Variants in GPR75 observed in about 807,000 individuals in gnomAD.
GPR75 encodes the protein G protein-coupled receptor 75.
GPR75 carries 27 observed loss-of-function variants against 26.0 expected under a neutral mutation model. The ratio of observed to expected loss-of-function variants is 1.04; its 90% CI spans 0.77 to 1.43. GPR75 has a LOEUF of 1.43. GPR75 is among the 40% of genes most tolerant of loss of function. The pLI, the probability that GPR75 is intolerant of heterozygous loss-of-function variation, is 0.00. For missense variants in GPR75, 699 were observed against 662.3 expected, an observed-to-expected ratio of 1.06 and a Z score of -0.61; for synonymous variants, 285 against 256.3, an observed-to-expected ratio of 1.11 and a Z score of -1.07.
Position 53,853,697 on chromosome 2 carries a change from G to T in GPR75, c.1060C>A (p.Leu354Ile). The change falls in exon 2 of 2, where the codon CTT becomes ATT. Residue 354 changes from leucine (L) to isoleucine (I), a missense_variant. Transcript: ENST00000394705. ...VVLSSNGSFI[L>I]YQFELFGFTL... ...AATCCAAACAATTCAAACTGGTAAA[G>T]AATGAAGCTCCCATTGCTGGAGAGA... 6.2e-7 allele frequency: 1 copy of T among 1,613,498 alleles called. No homozygotes were observed. The highest frequency in any genetic ancestry group is 8.5e-7 in the Non-Finnish European group (1 of 1,179,426).
In GPR75 at chr2:53,853,460, A is replaced by G; in HGVS notation, c.1297T>C (p.Leu433=). ...SHHETNSAYM[L]SPKPQKKFVD... is the part of the protein sequence containing the mutation. ...AATTTCTTCTGTGGCTTTGGAGATA[A>G]CATGTAGGCAGAGTTTGTTTCATGA... The change falls in exon 2 of 2, where the codon TTA becomes CTA. Residue 433 remains leucine, a synonymous_variant. Coordinates refer to ENST00000394705, the MANE Select transcript of GPR75 (RefSeq NM_006794.4). 1 of 1,614,092 alleles carries G rather than the reference A, an allele frequency of 6.2e-7. No homozygotes were observed. Among genetic ancestry groups the G allele is most frequent in the South Asian group, 1.1e-5 (1 of 91,078 alleles).
chr2:53,855,632 G>C (rs570542815), intron 1 of GPR75, among the ~76,000 whole-genome samples: 1 of 152,162 alleles, frequency 6.6e-6, no homozygotes, highest in East Asian at 1.9e-4. Context: ...GGTATGGAGT[G>C]GGGACAGACA....
At chr2:53,859,791 TG>T in intron 1 of GPR75, 36 bp downstream of exon 1, 1 of 1,472,666 alleles carries the variant, frequency 6.8e-7, no homozygotes, top group Non-Finnish European at 9.1e-7. Context: ...TCCGGCATCG[TG>T]GGGTTGTCCT....
Position 53,854,811 on chromosome 2 carries a change from G to A in GPR75, c.-55C>T, listed in dbSNP as rs1264629540. 5.0e-6 allele frequency: 7 copies of A among 1,408,644 alleles called. No individual in the cohort carries two copies. Among genetic ancestry groups the A allele is most frequent in the Admixed American group, 1.8e-5 (1 of 54,716 alleles). The allele number at this position is 1,408,644 out of a possible 1,614,324, so 87.3% of individuals were successfully genotyped here. The stretch of plus-strand genomic sequence containing the variant: ...TCCCCAAAAATACTCAGTGAGTCAG[G>A]GCCTCAGCTCACAGATGAGCAATAT... On this transcript the variant is annotated 5_prime_UTR_variant, in exon 2 of 2. Transcript: ENST00000394705.
intron 1 of GPR75, among the ~76,000 whole-genome samples, chr2:53,858,141 G>C (rs948029127): frequency 6.6e-6 from 1 of 152,084 alleles, no homozygotes; most frequent in Non-Finnish European, 1.5e-5. Context: ...CTAAGCAGTT[G>C]CTCTTCCACA....
chr2:53,855,805 C>G (rs1182653067), intron 1 of GPR75, among the ~76,000 whole-genome samples: 1 of 152,138 alleles, frequency 6.6e-6, no homozygotes, highest in South Asian at 2.1e-4. Context: ...ATGAAGAATC[C>G]TTTATTTCCC....
At position 53,854,330 on chromosome 2, in the gene GPR75, G is replaced by A. The variant is rs1290691545; in HGVS notation, c.427C>T (p.Arg143Trp). The A allele has an allele frequency of 6.2e-6, 10 of 1,614,068 alleles. No individual in the cohort carries two copies. The highest frequency in any genetic ancestry group is 2.2e-5 in the East Asian group (1 of 44,862). Residue 143 changes from arginine (R) to tryptophan (W), a missense_variant, in exon 2 of 2, where the codon CGG (arginine) becomes TGG (tryptophan). Coordinates refer to ENST00000394705, the MANE Select transcript of GPR75 (RefSeq NM_006794.4). ...LKTVAVIALHRLRMVLGKQPN... is the reference protein window; with the variant it reads ...LKTVAVIALHWLRMVLGKQPN... ...TGTTTCCCCAACACCATCCGGAGCCGGTGCAGGGCGATCACTGCCACTGTC... is the reference window on the plus strand; with the variant it reads ...TGTTTCCCCAACACCATCCGGAGCCAGTGCAGGGCGATCACTGCCACTGTC...
intron 1 of GPR75, among the ~76,000 whole-genome samples, chr2:53,858,567 A>G (rs755268642): frequency 5.9e-5 from 9 of 152,300 alleles, no homozygotes; most frequent in Middle Eastern, 3.4e-3. Flanking sequence ...GAGGACAGAA[A>G]AGACGAAAAG....
rs1466041939 is a variant in GPR75 at position 53,854,634 on chromosome 2, G to C, written c.123C>G (p.Thr41=). The C allele has an allele frequency of 6.2e-7, 1 of 1,614,152 alleles. No homozygotes were observed. Among genetic ancestry groups the C allele is most frequent in the Non-Finnish European group, 8.5e-7 (1 of 1,180,020 alleles). ...EGLQDLIHTA[T]LVTCTFLLAV... ...CCAGTAGAAAAGTACAGGTCACCAA[G>C]GTGGCTGTGTGGATGAGATCCTGAA... Residue 41 remains threonine (T), a synonymous_variant, in exon 2 of 2, where the codon ACC becomes ACG. Transcript: ENST00000394705.
At position 53,855,943 on chromosome 2, in the gene GPR75, T is replaced by C. The variant is rs184864856; in HGVS notation, c.-109-1078A>G. ...CTGGAAGTAACCAAGGATGTTGGAA[T>C]TATATTAGAAATTTACAAGGTGCAA... On this transcript the variant is annotated intron_variant, in intron 1 of 1. Transcript: ENST00000394705. Among the ~76,000 whole-genome samples the C allele has an allele frequency of 5.3e-5, 8 of 152,294 alleles. 1 individual carries two copies. The highest frequency in any genetic ancestry group is 5.2e-4 in the Admixed American group (8 of 15,302).
In GPR75 at chr2:53,854,790, C is replaced by A; in HGVS notation, c.-34G>T. On this transcript the variant is annotated 5_prime_UTR_variant, in exon 2 of 2. Coordinates refer to ENST00000394705, the MANE Select transcript of GPR75 (RefSeq NM_006794.4). The stretch of plus-strand genomic sequence containing the variant: ...AGAAATGTCTCCTTCTTCTGCTCCC[C>A]AAAAATACTCAGTGAGTCAGGGCCT... The A allele has an allele frequency of 1.9e-6, 3 of 1,545,102 alleles. No individual in the cohort carries two copies. Among genetic ancestry groups the A allele is most frequent in the Admixed American group, 1.8e-5 (1 of 56,772 alleles).
rs1162431580 is a variant in GPR75, at chr2:53,854,318, C to T, written c.439G>A (p.Val147Met). 1.2e-6 allele frequency: 2 copies of T among 1,613,910 alleles called. No individual in the cohort carries two copies. The highest frequency in any genetic ancestry group is 1.1e-5 in the South Asian group (1 of 91,064). Reference sequence around the variant, plus strand: ...GTGCGATTAGGCTGTTTCCCCAACACCATCCGGAGCCGGTGCAGGGCGATC... The same window carrying T: ...GTGCGATTAGGCTGTTTCCCCAACATCATCCGGAGCCGGTGCAGGGCGATC... ...AVIALHRLRM[V>M]LGKQPNRTAS... Residue 147 changes from valine (V) to methionine (M), a missense_variant, in exon 2 of 2, where the codon GTG (valine) becomes ATG (methionine). Val to Met is a conservative substitution (Grantham distance 21). Coordinates refer to ENST00000394705, the MANE Select transcript of GPR75 (RefSeq NM_006794.4).
rs974717218 is a variant in GPR75 at position 53,854,821 on chromosome 2, C to T, written c.-65G>A. On this transcript the variant is annotated 5_prime_UTR_variant, in exon 2 of 2. An upstream open reading frame in the 5' UTR loses its in-frame stop. Transcript: ENST00000394705. ...TACTCAGTGAGTCAGGGCCTCAGCTCACAGATGAGCAATATGTGACAAAAG... is the reference window on the plus strand; with the variant it reads ...TACTCAGTGAGTCAGGGCCTCAGCTTACAGATGAGCAATATGTGACAAAAG... 1.3e-5 allele frequency: 16 copies of T among 1,255,268 alleles called. No homozygotes were observed. The highest frequency in any genetic ancestry group is 4.1e-4 in the Middle Eastern group (2 of 4,874). The allele number at this position is 1,255,268 out of a possible 1,614,324, so 77.8% of individuals were successfully genotyped here.
In GPR75 at chr2:53,854,137, T is replaced by A. The variant is rs532258974; in HGVS notation, c.620A>T (p.Tyr207Phe). 1 of 1,614,032 alleles carries A rather than the reference T, an allele frequency of 6.2e-7. No individual in the cohort carries two copies. The highest frequency in any genetic ancestry group is 1.1e-5 in the South Asian group (1 of 91,066). Reference sequence around the variant, plus strand: ...AACACAGAAGGTGAAGTCGACCACATAGAGAGACAAAATGGCTTTCCCTTT... The same window carrying A: ...AACACAGAAGGTGAAGTCGACCACAAAGAGAGACAAAATGGCTTTCCCTTT... ...AGKGKAILSL[Y>F]VVDFTFCVAV... The change falls in exon 2 of 2, where the codon TAT (tyrosine) becomes TTT (phenylalanine). Residue 207 changes from tyrosine to phenylalanine, a missense_variant. Tyr to Phe is a conservative substitution (Grantham distance 22). Coordinates refer to ENST00000394705, the MANE Select transcript of GPR75 (RefSeq NM_006794.4).
At position 53,853,950 on chromosome 2, in the gene GPR75, C is replaced by T. The variant is rs546243394; in HGVS notation, c.807G>A (p.Pro269=). Residue 269 remains proline (P), a synonymous_variant, in exon 2 of 2, where the codon CCG becomes CCA. Transcript: ENST00000394705. ...GGGDPIQCAM[P]ALYRNQNYNK... ...TGTAATTCTGGTTCCTATACAGAGC[C>T]GGCATGGCACACTGGATGGGATCTC... is the stretch of plus-strand genomic sequence containing the variant. The T allele has an allele frequency of 2.0e-5, 33 of 1,614,028 alleles. No individual in the cohort carries two copies. Among genetic ancestry groups the T allele is most frequent in the South Asian group, 5.5e-5 (5 of 91,070 alleles).
intron 1 of GPR75, among the ~76,000 whole-genome samples, chr2:53,856,381 A>C (rs1214663275): frequency 6.6e-6 from 1 of 152,198 alleles, no homozygotes; most frequent in Non-Finnish European, 1.5e-5. Context: ...GGTTTGCCTT[A>C]ATCTAGAATT....
intron 1 of GPR75, among the ~76,000 whole-genome samples, chr2:53,856,220 G>A (rs1036540950): frequency 2.0e-5 from 3 of 151,948 alleles, no homozygotes; most frequent in Admixed American, 2.0e-4. Context: ...ATTTTGCAAT[G>A]AGACTTAATG....
rs143732722 is a variant in GPR75, at chr2:53,854,121, G to T, written c.636C>A (p.Thr212=). 21 of 1,614,160 alleles carry T rather than the reference G, an allele frequency of 1.3e-5. No homozygotes were observed. In the African/African-American group the frequency reaches 2.1e-4, roughly 16 times the overall value. The part of the protein sequence containing the change: ...AILSLYVVDF[T]FCVAVVSVSY... ...AGACAGAGACCACAGCAACACAGAA[G>T]GTGAAGTCGACCACATAGAGAGACA... Residue 212 remains threonine, a synonymous_variant, in exon 2 of 2, where the codon ACC becomes ACA. Coordinates refer to ENST00000394705, the MANE Select transcript of GPR75 (RefSeq NM_006794.4).
chr2:53,853,828 T>G lies in GPR75; in HGVS notation c.929A>C (p.Asn310Thr), dbSNP rs745629092. ...TTTGGAATCCTTGGCAGTGGAGAGG[T>G]TGATGGCTGATACGAGCTGGAGTCG... ...ASRLQLVSAI[N>T]LSTAKDSKAV... Residue 310 changes from asparagine to threonine, a missense_variant, in exon 2 of 2, where the codon AAC (asparagine) becomes ACC (threonine). Transcript: ENST00000394705. 6.2e-7 allele frequency: 1 copy of G among 1,613,756 alleles called. No individual in the cohort carries two copies. The highest frequency in any genetic ancestry group is 8.5e-7 in the Non-Finnish European group (1 of 1,179,962).
Sources: allele counts gnomAD v4.1 joint callset (sites outside exome capture counted in the v4.1 genomes callset), GRCh38; gene constraint gnomAD v4.1.1; transcripts MANE v1.5; gene names NCBI Gene and HGNC (gene_info 2026-07-23, HGNC 2026-07-21).